TRAPPC10: variants seen among roughly 807,000 people sequenced by gnomAD.
The protein encoded by TRAPPC10 is TRAPP 130 kDa subunit.
In TRAPPC10, 23 loss-of-function variants were observed where a neutral mutation model predicts 125.5. That is an observed-to-expected ratio of 0.18 (90% confidence interval 0.13 to 0.26). The LOEUF is 0.26. Ranked by LOEUF, TRAPPC10 falls within the 10% of genes least tolerant of loss-of-function variation. The probability of loss-of-function intolerance (pLI) is 1.00; values close to 1 mark genes in which losing one functional copy is unlikely to be tolerated. For missense variants in TRAPPC10, 1,123 were observed against 1,308.4 expected (o/e 0.86, Z 2.19); for synonymous variants, 509 against 518.0 (o/e 0.98, Z 0.24).
At chr21:44,019,475 C>T (rs969803203) in intron 1 of TRAPPC10, among the ~76,000 whole-genome samples, 2 of 152,212 alleles carry the variant, frequency 1.3e-5, no homozygotes, top group African/African-American at 4.8e-5. Flanking sequence ...AATCTTTCCT[C>T]TATCTGCTCT....
At chr21:44,051,865 C>G (rs1165495917) in intron 3 of TRAPPC10, among the ~76,000 whole-genome samples, 1 of 152,204 alleles carries the variant, frequency 6.6e-6, no homozygotes, top group Non-Finnish European at 1.5e-5. Context: ...CAGCTTGCCT[C>G]CTGAGATGAA....
Position 44,087,620 on chromosome 21 carries a change from G to T in TRAPPC10, c.2540-79G>T. 1 of 1,321,016 alleles carries T rather than the reference G, an allele frequency of 7.6e-7. No individual in the cohort carries two copies. Among genetic ancestry groups the T allele is most frequent in the Non-Finnish European group, 1.1e-6 (1 of 932,084 alleles). The allele number at this position is 1,321,016 out of a possible 1,614,324, so 81.8% of individuals were successfully genotyped here. Reference sequence around the variant, plus strand: ...GAGGTTGAGCAGTGGCCTCACTGCTGGGCCATCACCTGCTGTAAGGAAAAG... The same window carrying T: ...GAGGTTGAGCAGTGGCCTCACTGCTTGGCCATCACCTGCTGTAAGGAAAAG... On this transcript the variant is annotated intron_variant, in intron 16 of 22. Transcript: ENST00000291574. The surrounding 1 kb of genome is among the most constrained non-coding windows in gnomAD (Gnocchi z 4.6).
intron 4 of TRAPPC10, 72 bp from the exon 5 acceptor site, chr21:44,055,626 C>A: frequency 2.4e-6 from 3 of 1,243,628 alleles, no homozygotes; most frequent in Middle Eastern, 2.9e-4. Flanking sequence ...CCGCTCAGGA[C>A]AATGGCAGCT....
intron 7 of TRAPPC10, among the ~76,000 whole-genome samples, chr21:44,067,120 C>T (rs1245870722): frequency 6.6e-6 from 1 of 152,188 alleles, no homozygotes; most frequent in Non-Finnish European, 1.5e-5. Context: ...AGGGTCAGGA[C>T]TCCTCCAGAC....
At chr21:44,012,887 GCC>G (rs1276142746) in intron 1 of TRAPPC10, among the ~76,000 whole-genome samples, 1 of 151,884 alleles carries the variant, frequency 6.6e-6, no homozygotes, top group Non-Finnish European at 1.5e-5. Flanking sequence ...GCCCCGTCCC[GCC>G]CCCGTTGAGC....
At chr21:44,081,897 A>G (rs1354352021) in intron 13 of TRAPPC10, among the ~76,000 whole-genome samples, 1 of 152,102 alleles carries the variant, frequency 6.6e-6, no homozygotes, top group Non-Finnish European at 1.5e-5. Flanking sequence ...GGGGACAACA[A>G]AAGATCCATG....
chr21:44,053,944 A>T (rs1184987369), intron 4 of TRAPPC10, among the ~76,000 whole-genome samples: 1 of 152,136 alleles, frequency 6.6e-6, no homozygotes, highest in Non-Finnish European at 1.5e-5. Context: ...TAGAAACAGG[A>T]TCTAATAGAG....
At chr21:44,050,507 A>T (rs557539485) in intron 3 of TRAPPC10, among the ~76,000 whole-genome samples, 1 of 152,212 alleles carries the variant, frequency 6.6e-6, no homozygotes, top group South Asian at 2.1e-4. Context: ...GGATGGGGTC[A>T]GCCGGGTGCT....
At chr21:44,091,753 C>G in intron 18 of TRAPPC10, 170 bp from the exon 19 acceptor site, 1 of 647,060 alleles carries the variant, frequency 1.5e-6, no homozygotes, top group South Asian at 2.0e-5. Context: ...GGTTTATTTT[C>G]TGGCACTTTT....
intron 13 of TRAPPC10, among the ~76,000 whole-genome samples, chr21:44,081,005 C>CT (rs71326026): frequency 3.8e-4 from 39 of 103,858 alleles, no homozygotes; most frequent in Admixed American, 9.0e-4. Flanking sequence ...TATTATTGTT[C>CT]TTTTTTTTTT....
In TRAPPC10 at chr21:44,082,659, A is replaced by G. The variant is rs2146106656; in HGVS notation, c.1724-129A>G. ...GTGAAGATGGCAGGAGGCTGGGCTCAGCTGCTGTGCCCATCACTGCTGCTT... is the reference window on the plus strand; with the variant it reads ...GTGAAGATGGCAGGAGGCTGGGCTCGGCTGCTGTGCCCATCACTGCTGCTT... On this transcript the variant is annotated intron_variant, in intron 13 of 22. Coordinates refer to ENST00000291574, the MANE Select transcript of TRAPPC10 (RefSeq NM_003274.5). This position sits in a 1 kb window ranked among gnomAD's most constrained non-coding sequence, Gnocchi z 4.4. The G allele has an allele frequency of 2.0e-6, 2 of 1,019,558 alleles. No individual in the cohort carries two copies. Among genetic ancestry groups the G allele is most frequent in the Non-Finnish European group, 2.9e-6 (2 of 681,674 alleles). 63.2% of individuals were successfully genotyped at this position (1,019,558 alleles called of 1,614,324 possible).
At chr21:44,064,815 A>G (rs1055314656) in intron 7 of TRAPPC10, among the ~76,000 whole-genome samples, 1 of 152,264 alleles carries the variant, frequency 6.6e-6, no homozygotes, top group African/African-American at 2.4e-5. Context: ...TAAGCTCATT[A>G]GTACCTAGCC....
intron 7 of TRAPPC10, among the ~76,000 whole-genome samples, chr21:44,071,651 A>C (rs536984809): frequency 6.6e-6 from 1 of 152,330 alleles, no homozygotes; most frequent in Admixed American, 6.5e-5. Context: ...AGGGTTGTGT[A>C]TGCCACATCA....
rs752507121 is a variant in TRAPPC10, at chr21:44,089,899, A to T, written c.2836A>T (p.Arg946Trp). 1 of 1,613,828 alleles carries T rather than the reference A, an allele frequency of 6.2e-7. No homozygotes were observed. Among genetic ancestry groups the T allele is most frequent in the Non-Finnish European group, 8.5e-7 (1 of 1,179,872 alleles). The stretch of plus-strand genomic sequence containing the variant: ...CGCACTGACCTTCAGCGTACCCTTC[A>T]GGACCACACACAGCCTCCTGTCCTC... ...VIALTFSVPF[R>W]TTHSLLSSGT... Residue 946 changes from arginine (R) to tryptophan (W), a missense_variant, in exon 18 of 23, where the codon AGG (arginine) becomes TGG (tryptophan). This residue lies in a region of TRAPPC10 where 840 missense variants were observed against 902.0 expected (regional missense o/e 0.93). Transcript: ENST00000291574.
At chr21:44,055,622 A>G in intron 4 of TRAPPC10, 76 bp from the exon 5 acceptor site, 2 of 1,209,366 alleles carry the variant, frequency 1.7e-6, no homozygotes, top group Non-Finnish European at 2.3e-6. Flanking sequence ...ATTGCCGCTC[A>G]GGACAATGGC....
intron 7 of TRAPPC10, among the ~76,000 whole-genome samples, chr21:44,067,300 G>C (rs2838481): frequency 0.31 from 47,387 of 152,104 alleles, 10,343 homozygotes; most frequent in African/African-American, 0.62. Flanking sequence ...TCGGTATTCT[G>C]AGGTGCAGGC....
chr21:44,055,932 C>A, intron 5 of TRAPPC10, 39 bp downstream of exon 5: 1 of 1,478,276 alleles, frequency 6.8e-7, no homozygotes, highest in South Asian at 1.4e-5. Flanking sequence ...TTCCTTCTCT[C>A]CTTCCCTCCT....
At chr21:44,086,075 A>G (rs2038104570) in intron 15 of TRAPPC10, among the ~76,000 whole-genome samples, 1 of 152,222 alleles carries the variant, frequency 6.6e-6, no homozygotes, top group Non-Finnish European at 1.5e-5. Flanking sequence ...CCATTGGAAC[A>G]TTGTGTAGAG....
intron 7 of TRAPPC10, among the ~76,000 whole-genome samples, chr21:44,064,305 G>A (rs1010119510): frequency 2.2e-5 from 1 of 44,916 alleles, no homozygotes; most frequent in Middle Eastern, 0.011. Context: ...TCATAAATAT[G>A]TGTGTGTGTG....
Sources: gnomAD v4.1 joint callset for allele counts (sites outside exome capture counted in the v4.1 genomes callset) on GRCh38, gnomAD v4.1.1 for gene constraint, gnomAD v4.1.1 regional missense constraint, Gnocchi (gnomAD v3.1) non-coding constraint, MANE v1.5 for transcripts, NCBI Gene and HGNC (gene_info 2026-07-23, HGNC 2026-07-21) for gene names.